SI: variants seen among roughly 807,000 people sequenced by gnomAD.
SI encodes the protein sucrase-isomaltase, also known as sucrase-isomaltase, intestinal.
Under a neutral mutation model 253.3 loss-of-function variants are expected in SI, and 235 were observed. The ratio of observed to expected loss-of-function variants is 0.93; its 90% CI spans 0.83 to 1.03. The LOEUF (loss-of-function observed/expected upper bound fraction) is 1.03, where lower values mean the gene tolerates loss of function less well. Ranked by LOEUF, SI falls within the 50% of genes least tolerant of loss-of-function variation. The pLI, the probability that SI is intolerant of heterozygous loss-of-function variation, is 0.00. For missense variants in SI, 2,442 were observed against 2,211.1 expected, an observed-to-expected ratio of 1.10 and a Z score of -2.09; for synonymous variants, 819 against 712.0, an observed-to-expected ratio of 1.15 and a Z score of -2.39.
intron 38 of SI, among the ~76,000 whole-genome samples, chr3:164,997,685 T>C (rs1323813361): frequency 6.6e-6 from 1 of 151,744 alleles, no homozygotes; most frequent in South Asian, 2.1e-4. Flanking sequence ...TGTTCCCTTC[T>C]TTGTGTCCAT....
At chr3:165,055,349 A>C (rs752761469) in intron 12 of SI, 42 bp from the exon 13 acceptor site, 1 of 1,031,016 alleles carries the variant, frequency 9.7e-7, no homozygotes, top group South Asian at 1.4e-5. Context: ...AAAAAATAGA[A>C]AAATAAATAA....
At chr3:165,087,833 A>T in the SI span, among the ~76,000 whole-genome samples, 2 of 152,284 alleles carry the variant, frequency 1.3e-5, no homozygotes, top group East Asian at 3.9e-4. Flanking sequence ...TTCAGTAAAC[A>T]TATTAGTGAT....
chr3:165,005,672 A>G (rs966205104), intron 37 of SI, among the ~76,000 whole-genome samples: 9 of 152,162 alleles, frequency 5.9e-5, no homozygotes, highest in African/African-American at 1.9e-4. Flanking sequence ...CCTGAGTCAC[A>G]CTAGACACAT....
At chr3:165,005,224 A>G (rs1718445392) in intron 37 of SI, among the ~76,000 whole-genome samples, 1 of 152,156 alleles carries the variant, frequency 6.6e-6, no homozygotes, top group African/African-American at 2.4e-5. Context: ...AGACTAATAC[A>G]GCAGGGATGG....
At chr3:165,075,639 T>C (rs551203540) in intron 2 of SI, among the ~76,000 whole-genome samples, 1 of 152,116 alleles carries the variant, frequency 6.6e-6, no homozygotes, top group East Asian at 1.9e-4. Context: ...TTGATCCCTT[T>C]GCCTCTTTGC....
intron 27 of SI, 87 bp from the exon 28 acceptor site, chr3:165,019,857 A>T: frequency 5.1e-6 from 6 of 1,181,278 alleles, no homozygotes; most frequent in Non-Finnish European, 7.5e-6. Flanking sequence ...TTCTTAGATT[A>T]TCTAAAAATC....
intron 1 of SI, 57 bp from the exon 2 acceptor site, chr3:165,076,069 AC>A (rs1714954399): frequency 6.7e-6 from 8 of 1,192,326 alleles, no homozygotes; most frequent in Non-Finnish European, 8.2e-6. Flanking sequence ...ATAATAAACC[AC>A]CAACAATTCT....
chr3:165,017,832 C>G lies in SI; in HGVS notation c.3562G>C (p.Val1188Leu). 2 of 1,613,130 alleles carry G rather than the reference C, an allele frequency of 1.2e-6. No individual in the cohort carries two copies. Among genetic ancestry groups the G allele is most frequent in the East Asian group, 4.5e-5 (2 of 44,736 alleles). Residue 1188 changes from valine to leucine, a missense_variant, in exon 30 of 48, where the codon GTT becomes CTT. Val to Leu is a conservative substitution (Grantham distance 32). Transcript: ENST00000264382. ...ATATAAAAATCCAAGATCCCTCCAACTGTACGGTAAGTTAGAGCAGGAGTT... is the reference window on the plus strand; with the variant it reads ...ATATAAAAATCCAAGATCCCTCCAAGTGTACGGTAAGTTAGAGCAGGAGTT... ...QPTPALTYRTVGGILDFYMFL... is the reference protein window; with the variant it reads ...QPTPALTYRTLGGILDFYMFL...
At chr3:164,982,978 T>C in intron 46 of SI, 24 bp downstream of exon 46, 1 of 1,548,978 alleles carries the variant, frequency 6.5e-7, no homozygotes, top group Non-Finnish European at 8.8e-7. Context: ...CTTAACAGAA[T>C]TGCATATAAA....
chr3:165,074,608 A>T lies in SI; in HGVS notation c.178T>A (p.Ser60Thr), dbSNP rs755487744. Residue 60 changes from serine to threonine, a missense_variant, in exon 3 of 48, where the codon TCA (serine) becomes ACA (threonine). By Grantham distance (58) the Ser-to-Thr change is moderately conservative. Coordinates refer to ENST00000264382, the MANE Select transcript of SI (RefSeq NM_001041.4). ...TTRVTTNPSD[S>T]GKCPNVLNDP... ...TTTAACACATTTGGACATTTTCCTG[A>T]ATCAGAAGGATTTGTAGTCACACGA... The T allele has an allele frequency of 6.2e-7, 1 of 1,610,510 alleles. No homozygotes were observed.
intron 17 of SI, among the ~76,000 whole-genome samples, chr3:165,041,466 A>T (rs12634609): frequency 0.58 from 88,016 of 151,836 alleles, 25,923 homozygotes; most frequent in East Asian, 0.81. Flanking sequence ...TGCCTACCCA[A>T]GCTTCGATGT....
At chr3:165,002,184 G>A (rs774229741) in intron 37 of SI, among the ~76,000 whole-genome samples, 27 of 151,622 alleles carry the variant, frequency 1.8e-4, no homozygotes, top group East Asian at 3.9e-4. Flanking sequence ...ATATTTGTCC[G>A]AAATTTGAAC....
intron 13 of SI, among the ~76,000 whole-genome samples, chr3:165,052,884 G>A (rs537249016): frequency 1.3e-5 from 2 of 151,928 alleles, no homozygotes; most frequent in South Asian, 4.2e-4. Context: ...TAGTTATTTG[G>A]ATATGTAAAC....
rs144397460 is a variant in SI, at chr3:165,005,221, T to C, written c.4406+1595A>G. Among the ~76,000 whole-genome samples, 48 of 152,172 alleles carry C rather than the reference T, an allele frequency of 3.2e-4. No homozygotes were observed. In the East Asian group the frequency reaches 9.1e-3, roughly 29 times the overall value. On this transcript the variant is annotated intron_variant, in intron 37 of 47. Transcript: ENST00000264382. ...TTATGAAAGAGTGAAAATAGACTAATACAGCAGGGATGGTTAATGGGTGCT... is the reference window on the plus strand; with the variant it reads ...TTATGAAAGAGTGAAAATAGACTAACACAGCAGGGATGGTTAATGGGTGCT...
chr3:165,074,300 T>C, intron 3 of SI: 1 of 240,426 alleles, frequency 4.2e-6, no homozygotes. Flanking sequence ...TATAACTTGT[T>C]AAATATGGAT....
chr3:165,042,957 T>C, intron 17 of SI, 102 bp downstream of exon 17: 3 of 784,202 alleles, frequency 3.8e-6, no homozygotes, highest in Non-Finnish European at 6.8e-6. Context: ...TGAATTATGC[T>C]ACAATCTTTC....
At chr3:165,048,882 G>T (rs771289631) in intron 15 of SI, among the ~76,000 whole-genome samples, 2 of 151,984 alleles carry the variant, frequency 1.3e-5, no homozygotes, top group Non-Finnish European at 2.9e-5. Context: ...CTCCCAATGT[G>T]CTGGGGTTAC....
chr3:165,066,236 C>A (rs1406639193), intron 6 of SI, among the ~76,000 whole-genome samples: 2 of 151,738 alleles, frequency 1.3e-5, no homozygotes, highest in Non-Finnish European at 2.9e-5. Flanking sequence ...AGTTTATATG[C>A]AAATATTATA....
intron 41 of SI, among the ~76,000 whole-genome samples, chr3:164,993,051 TG>T (rs996503634): frequency 6.6e-6 from 1 of 151,856 alleles, no homozygotes; most frequent in Non-Finnish European, 1.5e-5. Flanking sequence ...TCTTTTGTTG[TG>T]GTTTTGTTTT....
Sources: allele counts gnomAD v4.1 joint callset (sites outside exome capture counted in the v4.1 genomes callset), GRCh38; gene constraint gnomAD v4.1.1; transcripts MANE v1.5; gene names NCBI Gene and HGNC (gene_info 2026-07-23, HGNC 2026-07-21).